Variants in NSUN3 observed in about 807,000 individuals in gnomAD.
NSUN3 encodes NOP2/Sun RNA methyltransferase 3.
NSUN3 carries 24 observed loss-of-function variants against 36.8 expected under a neutral mutation model. The ratio of observed to expected loss-of-function variants is 0.65; its 90% confidence interval spans 0.47 to 0.92. NSUN3 has a LOEUF of 0.92. Among genes scored for constraint, NSUN3 ranks in the 40% least tolerant of loss-of-function variants. The probability of loss-of-function intolerance (pLI) is 0.00; values close to 1 mark genes in which losing one functional copy is unlikely to be tolerated. For missense variants in NSUN3, 381 were observed against 392.8 expected (o/e 0.97, Z 0.25); for synonymous variants, 146 against 145.2 (o/e 1.01, Z -0.04).
chr3:94,064,685 G>C (rs140219019), intron 2 of NSUN3, 139 bp downstream of exon 2: 2 of 557,510 alleles, frequency 3.6e-6, no homozygotes, highest in South Asian at 5.1e-5. Context: ...GCTATAGAAA[G>C]GAACAACTAA....
At position 94,077,589 on chromosome 3, in the gene NSUN3, G is replaced by A. The variant is rs1402794897; in HGVS notation, c.123-6518G>A. Among the ~76,000 whole-genome samples, 4 of 152,218 alleles carry A rather than the reference G, an allele frequency of 2.6e-5. No homozygotes were observed. In the South Asian group the frequency reaches 8.3e-4, roughly 32 times the overall value. ...GTCCTGGACTTTTTTTGGTTGGTAGGCTATTAATTACTGCCTCAATTTCAG... is the reference window on the plus strand; with the variant it reads ...GTCCTGGACTTTTTTTGGTTGGTAGACTATTAATTACTGCCTCAATTTCAG... On this transcript the variant is annotated intron_variant, in intron 2 of 5. Transcript: ENST00000314622.
chr3:94,096,705 G>T (rs1004921384), intron 5 of NSUN3, among the ~76,000 whole-genome samples: 5 of 152,054 alleles, frequency 3.3e-5, no homozygotes, highest in African/African-American at 9.7e-5. Flanking sequence ...TCACCATGTT[G>T]ACCAGGCTGG....
intron 2 of NSUN3, among the ~76,000 whole-genome samples, chr3:94,070,119 C>G (rs923650985): frequency 3.3e-5 from 5 of 152,036 alleles, no homozygotes; most frequent in Admixed American, 3.3e-4. Context: ...CTATAGTTGA[C>G]AGACGGTGTA....
chr3:94,064,818 A>G (rs1046388504), intron 2 of NSUN3, among the ~76,000 whole-genome samples: 1 of 152,212 alleles, frequency 6.6e-6, no homozygotes. Context: ...AGGAATGCCC[A>G]CTAGTTTGAC....
At chr3:94,076,134 C>A in intron 2 of NSUN3, 1 of 1,344,608 alleles carries the variant, frequency 7.4e-7, no homozygotes, top group Non-Finnish European at 1.1e-6. Context: ...TGTTCCTCTC[C>A]AATTTTACTT....
At position 94,084,251 on chromosome 3, in the gene NSUN3, G is replaced by T; in HGVS notation, c.267G>T (p.Val89=). 1 of 1,614,098 alleles carries T rather than the reference G, an allele frequency of 6.2e-7. No homozygotes were observed. Among genetic ancestry groups the T allele is most frequent in the Non-Finnish European group, 8.5e-7 (1 of 1,180,010 alleles). ...QGSLPNYPKS[V]KCYLSRTPGR... ...CTTTACCCAACTATCCTAAATCAGTGAAGTGTTACCTTAGCAGAACTCCGG... is the reference window on the plus strand; with the variant it reads ...CTTTACCCAACTATCCTAAATCAGTTAAGTGTTACCTTAGCAGAACTCCGG... Residue 89 remains valine, a synonymous_variant, in exon 3 of 6, where the codon GTG becomes GTT. Coordinates refer to ENST00000314622, the MANE Select transcript of NSUN3 (RefSeq NM_022072.5).
rs543215149 is a variant in NSUN3, at chr3:94,128,297, G to A, written c.*1807G>A. 27 of 152,010 alleles carry A rather than the reference G, an allele frequency of 1.8e-4. No homozygotes were observed. The South Asian group carries it at 5.0e-3, about 28-fold the overall frequency. The allele number at this position is 152,010 out of a possible 1,614,324, so 9.4% of individuals were successfully genotyped here. On this transcript the variant is annotated 3_prime_UTR_variant, in exon 6 of 6. Coordinates refer to ENST00000314622, the MANE Select transcript of NSUN3 (RefSeq NM_022072.5). ...AACTGTTGGACCAAATCAAGTATAT[G>A]GGTAAATACAGAAGAATAATGATGG... is the stretch of plus-strand genomic sequence containing the variant.
intron 5 of NSUN3, among the ~76,000 whole-genome samples, chr3:94,103,632 A>G (rs2077374620): frequency 6.6e-6 from 1 of 152,126 alleles, no homozygotes; most frequent in Non-Finnish European, 1.5e-5. Context: ...ATAATGATAT[A>G]CAATTGATAT....
chr3:94,123,989 ATGTATATG>A (rs1382360321), intron 5 of NSUN3, among the ~76,000 whole-genome samples: 1 of 152,060 alleles, frequency 6.6e-6, no homozygotes, highest in African/African-American at 2.4e-5. Context: ...ATATGTATGT[ATGTATATG>A]TGTATATGTA....
At chr3:94,101,250 C>T (rs2077364793) in intron 5 of NSUN3, among the ~76,000 whole-genome samples, 1 of 152,076 alleles carries the variant, frequency 6.6e-6, no homozygotes, top group African/African-American at 2.4e-5. Context: ...TCTTTGGCCT[C>T]CCAAGTGCTG....
rs1576107434 is a variant in NSUN3 at position 94,130,768 on chromosome 3, T to C, written c.*4278T>C. On this transcript the variant is annotated 3_prime_UTR_variant, in exon 6 of 6. Coordinates refer to ENST00000314622, the MANE Select transcript of NSUN3 (RefSeq NM_022072.5). ...GAATGATTGAGAATTACCAGATAAATCCTCCAAATCCATTTCTCCAGAAAC... is the reference window on the plus strand; with the variant it reads ...GAATGATTGAGAATTACCAGATAAACCCTCCAAATCCATTTCTCCAGAAAC... 6.6e-6 allele frequency among the ~76,000 whole-genome samples: 1 copy of C among 152,098 alleles called. No homozygotes were observed. The highest frequency in any genetic ancestry group is 1.5e-5 in the Non-Finnish European group (1 of 68,028).
chr3:94,093,035 T>A (rs1399532873), intron 3 of NSUN3, among the ~76,000 whole-genome samples: 1 of 150,804 alleles, frequency 6.6e-6, no homozygotes, highest in Non-Finnish European at 1.5e-5. Flanking sequence ...GTACTGAGTA[T>A]GTTTGGGAAA....
chr3:94,079,303 A>G (rs2077259119), intron 2 of NSUN3, among the ~76,000 whole-genome samples: 1 of 152,204 alleles, frequency 6.6e-6, no homozygotes, highest in Non-Finnish European at 1.5e-5. Flanking sequence ...ATCCACTGTT[A>G]GTCTGATGCG....
intron 3 of NSUN3, among the ~76,000 whole-genome samples, chr3:94,091,030 T>A (rs1409592611): frequency 6.6e-6 from 1 of 152,180 alleles, no homozygotes; most frequent in Non-Finnish European, 1.5e-5. Context: ...CTCAATATTA[T>A]AATTGGAATA....
intron 3 of NSUN3, among the ~76,000 whole-genome samples, chr3:94,088,018 T>G (rs549445014): frequency 1.9e-4 from 29 of 152,246 alleles, no homozygotes; most frequent in African/African-American, 7.0e-4. Flanking sequence ...AAAGACTCCT[T>G]TCTTGGTTTA....
chr3:94,081,724 T>C (rs2077269851), intron 2 of NSUN3: 1 of 152,214 alleles, frequency 6.6e-6, no homozygotes, highest in African/African-American at 2.4e-5. Context: ...ATGCAGGATT[T>C]AACCTTTCTA....
In NSUN3 at chr3:94,127,614, A is replaced by T. The variant is rs1271629324; in HGVS notation, c.*1124A>T. ...AAATTACTTCACTTAGAGTACAAAC[A>T]TATTTTTCCAACTATTAAGAAAAAT... On this transcript the variant is annotated 3_prime_UTR_variant, in exon 6 of 6. Transcript: ENST00000314622. 6.6e-6 allele frequency: 1 copy of T among 152,174 alleles called. No individual in the cohort carries two copies. The highest frequency in any genetic ancestry group is 2.4e-5 in the African/African-American group (1 of 41,436). 9.4% of individuals were successfully genotyped at this position (152,174 alleles called of 1,614,324 possible).
intron 1 of NSUN3, 165 bp from the exon 2 acceptor site, chr3:94,064,272 T>C: frequency 1.8e-6 from 1 of 565,064 alleles, no homozygotes; most frequent in African/African-American, 1.9e-5. Flanking sequence ...TTTTTCATAA[T>C]TAGATAATGT....
chr3:94,092,936 A>G (rs954039910), intron 3 of NSUN3, among the ~76,000 whole-genome samples: 4 of 149,928 alleles, frequency 2.7e-5, no homozygotes, highest in Admixed American at 6.7e-5. Flanking sequence ...AAAAAAAAAA[A>G]AAAAAAAAAG....
Sources: allele counts gnomAD v4.1 joint callset (sites outside exome capture counted in the v4.1 genomes callset), GRCh38; gene constraint gnomAD v4.1.1; transcripts MANE v1.5; gene names NCBI Gene and HGNC (gene_info 2026-07-23, HGNC 2026-07-21).